OLA1: variants seen among roughly 807,000 people sequenced by gnomAD.
OLA1 encodes obg-like ATPase 1.
Under a neutral mutation model 48.4 loss-of-function variants are expected in OLA1, and 14 were observed. The ratio of observed to expected loss-of-function variants is 0.29; its 90% confidence interval spans 0.19 to 0.45. OLA1 has a LOEUF of 0.45. Ranked by LOEUF, OLA1 falls within the 20% of genes least tolerant of loss-of-function variation. The pLI, the probability that OLA1 is intolerant of heterozygous loss-of-function variation, is 1.00. For missense variants in OLA1, 325 were observed against 467.1 expected (o/e 0.70, Z 2.80); for synonymous variants, 127 against 150.4 (o/e 0.84, Z 1.14).
At chr2:174,154,863 A>C (rs1686835259) in intron 4 of OLA1, among the ~76,000 whole-genome samples, 1 of 152,214 alleles carries the variant, frequency 6.6e-6, no homozygotes. Flanking sequence ...TAACATTGGC[A>C]CCCACAATAT....
At chr2:174,155,389 A>G (rs1019628753) in intron 4 of OLA1, among the ~76,000 whole-genome samples, 1 of 152,248 alleles carries the variant, frequency 6.6e-6, no homozygotes, top group Non-Finnish European at 1.5e-5. Context: ...AACATGCAGC[A>G]CAACAGAAAA....
intron 7 of OLA1, among the ~76,000 whole-genome samples, chr2:174,113,707 C>T (rs1445815360): frequency 6.6e-6 from 1 of 152,098 alleles, no homozygotes; most frequent in Non-Finnish European, 1.5e-5. Context: ...AAGCAAAATG[C>T]TAAAGTTGCT....
chr2:174,244,772 C>G (rs375675266), intron 2 of OLA1, among the ~76,000 whole-genome samples: 10 of 152,158 alleles, frequency 6.6e-5, no homozygotes, highest in Non-Finnish European at 1.5e-4. Context: ...TTACAGGCTC[C>G]TGCCACCATG....
intron 7 of OLA1, among the ~76,000 whole-genome samples, chr2:174,096,041 G>C (rs1199945903): frequency 6.6e-6 from 1 of 152,128 alleles, no homozygotes. Flanking sequence ...CATCTACTAG[G>C]ATGATTATAA....
chr2:174,239,631 CACTTGGAAGGACG>C lies in OLA1; in HGVS notation c.101+7071_101+7083del, dbSNP rs1299311264. ...CAGTGGCTCATGCATATAATCCCAG[CACTTGGAAGGACG>C]AGGTGGGAGGATCACTTGAGGCCAG... On this transcript the variant is annotated intron_variant, in intron 2 of 10. Transcript: ENST00000284719. Among the ~76,000 whole-genome samples the C allele has an allele frequency of 7.5e-5, 11 of 146,124 alleles. No individual in the cohort carries two copies. The East Asian group carries it at 2.2e-3, about 29-fold the overall frequency.
chr2:174,242,210 A>AT (rs1264675729), intron 2 of OLA1, among the ~76,000 whole-genome samples: 12 of 152,108 alleles, frequency 7.9e-5, no homozygotes, highest in Non-Finnish European at 1.8e-4. Context: ...ATGGAAGCCA[A>AT]TTTTTCCACG....
intron 3 of OLA1, 37 bp downstream of exon 3, chr2:174,229,271 C>A (rs1374552186): frequency 6.2e-7 from 1 of 1,601,282 alleles, no homozygotes; most frequent in Admixed American, 1.7e-5. Context: ...CCAATCTACA[C>A]AAAATCACCA....
rs890887480 is a variant in OLA1, at chr2:174,244,270, C to T, written c.101+2445G>A. ...AGTGTTTACAACCAAATACAATTGC[C>T]GAAACTCATTAAACTGTACCTTTAA... On this transcript the variant is annotated intron_variant, in intron 2 of 10. Coordinates refer to ENST00000284719, the MANE Select transcript of OLA1 (RefSeq NM_013341.5). 1.8e-4 allele frequency among the ~76,000 whole-genome samples: 27 copies of T among 152,084 alleles called. 1 individual carries two copies. The highest frequency in any genetic ancestry group is 5.1e-4 in the African/African-American group (21 of 41,404).
At chr2:174,116,915 A>T (rs934492748) in intron 7 of OLA1, among the ~76,000 whole-genome samples, 1 of 152,336 alleles carries the variant, frequency 6.6e-6, no homozygotes, top group Admixed American at 6.5e-5. Flanking sequence ...AATTTTCTTT[A>T]AAAAATCATG....
intron 7 of OLA1, among the ~76,000 whole-genome samples, 170 bp downstream of exon 7, chr2:174,123,010 C>A (rs1685951965): frequency 1.3e-5 from 2 of 152,076 alleles, no homozygotes; most frequent in African/African-American, 4.8e-5. Flanking sequence ...AATTAGAAGA[C>A]TCATCTGTGA....
At chr2:174,098,414 G>A (rs1685309592) in intron 7 of OLA1, among the ~76,000 whole-genome samples, 2 of 152,114 alleles carry the variant, frequency 1.3e-5, no homozygotes, top group African/African-American at 4.8e-5. Context: ...GAAGGATCGG[G>A]AAATGTGTGA....
At chr2:174,183,002 T>A (rs1687581739) in intron 4 of OLA1, among the ~76,000 whole-genome samples, 1 of 152,180 alleles carries the variant, frequency 6.6e-6, no homozygotes, top group Non-Finnish European at 1.5e-5. Context: ...GCTAATAAAA[T>A]GTTAAAGACA....
At chr2:174,091,266 C>T (rs996648555) in intron 7 of OLA1, among the ~76,000 whole-genome samples, 1 of 152,084 alleles carries the variant, frequency 6.6e-6, no homozygotes, top group African/African-American at 2.4e-5. Flanking sequence ...AAAGGATTTC[C>T]CAATGTGGAA....
chr2:174,157,592 AAAATGT>A (rs1007895524), intron 4 of OLA1, among the ~76,000 whole-genome samples: 2 of 152,232 alleles, frequency 1.3e-5, no homozygotes, highest in African/African-American at 4.8e-5. Context: ...AAATGCTTGG[AAAATGT>A]AAACATGGGA....
intron 5 of OLA1, among the ~76,000 whole-genome samples, chr2:174,126,383 A>C (rs968582742): frequency 6.6e-6 from 1 of 152,174 alleles, no homozygotes; most frequent in Admixed American, 6.5e-5. Context: ...CTTAGGTTCC[A>C]TATTTCTTTA....
chr2:174,246,867 C>T (rs1689136906), intron 1 of OLA1, 52 bp from the exon 2 acceptor site: 1 of 1,023,280 alleles, frequency 9.8e-7, no homozygotes, highest in South Asian at 1.3e-5. Context: ...TCCACATGGA[C>T]CCAAAACACA....
At chr2:174,144,476 A>G (rs989163213) in intron 4 of OLA1, among the ~76,000 whole-genome samples, 7 of 152,200 alleles carry the variant, frequency 4.6e-5, no homozygotes, top group Non-Finnish European at 8.8e-5. Context: ...TAGAACACCC[A>G]TAAACTAAAA....
At chr2:174,159,013 A>G (rs1434052415) in intron 4 of OLA1, among the ~76,000 whole-genome samples, 2 of 152,164 alleles carry the variant, frequency 1.3e-5, no homozygotes, top group Non-Finnish European at 2.9e-5. Flanking sequence ...CAGAACCACT[A>G]CACTTAGTTA....
At chr2:174,104,492 C>T (rs1449267680) in intron 7 of OLA1, among the ~76,000 whole-genome samples, 1 of 152,048 alleles carries the variant, frequency 6.6e-6, no homozygotes, top group Non-Finnish European at 1.5e-5. Flanking sequence ...ATAGCTAATG[C>T]AGCATAACAT....
Sources: gnomAD v4.1 joint callset for allele counts (sites outside exome capture counted in the v4.1 genomes callset) on GRCh38, gnomAD v4.1.1 for gene constraint, MANE v1.5 for transcripts, NCBI Gene and HGNC (gene_info 2026-07-23, HGNC 2026-07-21) for gene names.